The following SMARCB1 variants were observed in gnomAD, a reference collection of about 807,000 sequenced individuals.
The protein encoded by SMARCB1 is SWI/SNF related BAF chromatin remodeling complex subunit B1.
Under a neutral mutation model 49.0 loss-of-function variants are expected in SMARCB1, and 5 were observed. The observed-to-expected ratio is 0.10, with a 90% CI of 0.05 to 0.21. SMARCB1 has a LOEUF of 0.21. Among genes scored for constraint, SMARCB1 ranks in the 10% least tolerant of loss-of-function variants. The probability of loss-of-function intolerance (pLI) is 1.00; values close to 1 mark genes in which losing one functional copy is unlikely to be tolerated. For missense variants in SMARCB1, 226 were observed against 509.2 expected, an observed-to-expected ratio of 0.44 and a Z score of 5.35; for synonymous variants, 201 against 200.1, an observed-to-expected ratio of 1.00 and a Z score of -0.04.
At chr22:23,814,755 G>A (rs1251687153) in intron 5 of SMARCB1, among the ~76,000 whole-genome samples, 2 of 151,396 alleles carry the variant, frequency 1.3e-5, no homozygotes, top group Non-Finnish European at 2.9e-5. Context: ...CGGATCACCT[G>A]AGGTCAGGAG....
intron 1 of SMARCB1, among the ~76,000 whole-genome samples, chr22:23,788,733 T>G (rs1160375259): frequency 6.6e-6 from 1 of 152,184 alleles, no homozygotes; most frequent in Non-Finnish European, 1.5e-5. Context: ...TTTAAACTTG[T>G]GGGTTTTATC....
rs727504163 is a variant in SMARCB1, at chr22:23,803,400, C to T, written c.606C>T (p.Asp202=). The change falls in exon 5 of 9, where the codon GAC becomes GAT. Residue 202 remains aspartate (D), a synonymous_variant. Coordinates refer to ENST00000644036, the MANE Select transcript of SMARCB1 (RefSeq NM_003073.5). The part of the protein sequence containing the change: ...DMEIDGQKLR[D]AFTWNMNEKL... ...AGATCGATGGGCAGAAGCTGCGAGA[C>T]GCCTTCACCTGGAACATGAATGGTA... 16 of 1,614,036 alleles carry T rather than the reference C, an allele frequency of 9.9e-6. No homozygotes were observed. The highest frequency in any genetic ancestry group is 2.2e-5 in the South Asian group (2 of 91,088).
chr22:23,798,920 G>A (rs1378969367), intron 3 of SMARCB1, among the ~76,000 whole-genome samples: 4 of 152,052 alleles, frequency 2.6e-5, no homozygotes, highest in African/African-American at 9.7e-5. Context: ...CGTGGTGGTG[G>A]GCGCCTGTAG....
At position 23,787,112 on chromosome 22, in the gene SMARCB1, G is replaced by C. The variant is rs1158469190; in HGVS notation, c.-58G>C. ...CCTCGGCCCAGCACGCCCCGGCCCC[G>C]CCCCAGCCCTCCTGATCCCTCGCAG... is the stretch of plus-strand genomic sequence containing the variant. On this transcript the variant is annotated 5_prime_UTR_variant, in exon 1 of 9. Coordinates refer to ENST00000644036, the MANE Select transcript of SMARCB1 (RefSeq NM_003073.5). 9.0e-7 allele frequency: 1 copy of C among 1,111,180 alleles called. No homozygotes were observed. The highest frequency in any genetic ancestry group is 1.3e-5 in the South Asian group (1 of 79,406). 68.8% of individuals were successfully genotyped at this position (1,111,180 alleles called of 1,614,324 possible). A position where few individuals can be genotyped will look rare whatever the true frequency, so the allele number is the denominator to read the frequency against.
At chr22:23,819,161 A>T (rs1372409637) in intron 6 of SMARCB1, among the ~76,000 whole-genome samples, 1 of 152,070 alleles carries the variant, frequency 6.6e-6, no homozygotes. Flanking sequence ...CTCCTTTCTT[A>T]TTAAGGCTAA....
At chr22:23,831,163 G>C (rs114313570) in intron 7 of SMARCB1, among the ~76,000 whole-genome samples, 120 of 152,260 alleles carry the variant, frequency 7.9e-4, no homozygotes, top group African/African-American at 2.7e-3. Flanking sequence ...GTGACACCAA[G>C]TTTTGGCATC....
Position 23,809,942 on chromosome 22 carries a change from G to A in SMARCB1, c.628+6520G>A, listed in dbSNP as rs1279581014. ...TCCCTGCACTTTGGGAGGCCGAGGC[G>A]GGCGGATCACGAGGTCAGGAATTGG... On this transcript the variant is annotated intron_variant, in intron 5 of 8. Coordinates refer to ENST00000644036, the MANE Select transcript of SMARCB1 (RefSeq NM_003073.5). 6.2e-4 allele frequency among the ~76,000 whole-genome samples: 88 copies of A among 142,936 alleles called. No individual in the cohort carries two copies. In the Middle Eastern group the frequency reaches 0.014, roughly 22 times the overall value. The allele number at this position is 142,936 out of a possible 152,430, so 93.8% of individuals were successfully genotyped here.
chr22:23,789,651 C>T (rs376288911), intron 1 of SMARCB1, among the ~76,000 whole-genome samples: 2 of 152,214 alleles, frequency 1.3e-5, no homozygotes, highest in East Asian at 3.8e-4. Context: ...ACTCCTGGGC[C>T]TCCCAGTAAG....
At chr22:23,816,524 G>C (rs1476605990) in intron 5 of SMARCB1, 1 of 604,222 alleles carries the variant, frequency 1.7e-6, no homozygotes, top group African/African-American at 1.8e-5. Flanking sequence ...AATGAGGGAA[G>C]TGTTTATGGC....
intron 8 of SMARCB1, 145 bp downstream of exon 8, chr22:23,833,848 A>T: frequency 1.1e-6 from 1 of 920,376 alleles, no homozygotes; most frequent in Non-Finnish European, 1.7e-6. Context: ...CTTCTGGGTG[A>T]TAAGGCCCCA....
intron 5 of SMARCB1, among the ~76,000 whole-genome samples, chr22:23,804,730 GAT>G (rs1929386128): frequency 6.6e-6 from 1 of 152,186 alleles, no homozygotes; most frequent in Non-Finnish European, 1.5e-5. Flanking sequence ...TTTTAGTAGA[GAT>G]AGGGTTTCAC....
In SMARCB1 at chr22:23,828,092, G is replaced by A. The variant is rs1019210481; in HGVS notation, c.986+2677G>A. 7.9e-5 allele frequency among the ~76,000 whole-genome samples: 12 copies of A among 152,210 alleles called. 1 individual carries two copies. The highest frequency in any genetic ancestry group is 2.0e-4 in the Admixed American group (3 of 15,298). On this transcript the variant is annotated intron_variant, in intron 7 of 8. Transcript: ENST00000644036. ...TTTTGAGATGGGGTCTCGCTCTGTC[G>A]CCCAGGCTGGAGTGCAGTGGCGTGA... is the stretch of plus-strand genomic sequence containing the variant.
intron 3 of SMARCB1, among the ~76,000 whole-genome samples, chr22:23,797,025 A>G (rs1601396284): frequency 7.5e-6 from 1 of 133,396 alleles, no homozygotes; most frequent in Non-Finnish European, 1.5e-5. Flanking sequence ...TTTGAGACGG[A>G]GTCTCGCTGT....
At position 23,834,372 on chromosome 22, in the gene SMARCB1, A is replaced by AACC; in HGVS notation, c.*192_*193insACC. On this transcript the variant is annotated 3_prime_UTR_variant, in exon 9 of 9. Transcript: ENST00000644036. ...TTGTTGAGCCCCAGTCCTGCCCCCC[A>AACC]CCCCACCCTCCCTACCCCTCCCCAG... 2.6e-6 allele frequency: 1 copy of AACC among 388,638 alleles called. No individual in the cohort carries two copies. The highest frequency in any genetic ancestry group is 4.6e-6 in the Non-Finnish European group (1 of 218,294). The allele number at this position is 388,638 out of a possible 1,614,324, so 24.1% of individuals were successfully genotyped here.
intron 4 of SMARCB1, chr22:23,802,027 C>G (rs1929185594): frequency 6.4e-6 from 1 of 156,484 alleles, no homozygotes; most frequent in South Asian, 1.9e-4. Flanking sequence ...TCCAGGTTCT[C>G]CCCTGGGACT....
Position 23,809,966 on chromosome 22 carries a change from G to T in SMARCB1, c.628+6544G>T, listed in dbSNP as rs1170962477. Among the ~76,000 whole-genome samples, 68 of 139,218 alleles carry T rather than the reference G, an allele frequency of 4.9e-4. No homozygotes were observed. In the Middle Eastern group the frequency reaches 0.014, roughly 30 times the overall value. 91.3% of individuals were successfully genotyped at this position (139,218 alleles called of 152,430 possible). A position where few individuals can be genotyped will look rare whatever the true frequency, so the allele number is the denominator to read the frequency against. ...CGGGCGGATCACGAGGTCAGGAATT[G>T]GAGGCCAGCCTGACCAACATGGTGA... On this transcript the variant is annotated intron_variant, in intron 5 of 8. Transcript: ENST00000644036.
At position 23,836,529 on chromosome 22, in the gene SMARCB1, T is replaced by C; in HGVS notation, c.*2349T>C. On this transcript the variant is annotated 3_prime_UTR_variant, in exon 9 of 9. Coordinates refer to ENST00000644036, the MANE Select transcript of SMARCB1 (RefSeq NM_003073.5). ...GGCCAGGATGAGAACCCTGAGCCTG[T>C]CACCTGTGAGCTCAAAAGCTCTGCC... 1 of 1,041,564 alleles carries C rather than the reference T, an allele frequency of 9.6e-7. No individual in the cohort carries two copies. The highest frequency in any genetic ancestry group is 1.7e-5 in the African/African-American group (1 of 59,116). 64.5% of individuals were successfully genotyped at this position (1,041,564 alleles called of 1,614,324 possible).
Position 23,791,737 on chromosome 22 carries a change from C to T in SMARCB1, c.94-19C>T, listed in dbSNP as rs1304783796. The T allele has an allele frequency of 6.2e-7, 1 of 1,613,238 alleles. No homozygotes were observed. Among genetic ancestry groups the T allele is most frequent in the South Asian group, 1.1e-5 (1 of 91,040 alleles). On this transcript the variant is annotated intron_variant, in intron 1 of 8. Coordinates refer to ENST00000644036, the MANE Select transcript of SMARCB1 (RefSeq NM_003073.5). ...TGGTGCTGCGACCCTTATAATGAGC[C>T]TTCTTGCTTTACTCATAGGTGGGAA...
At position 23,825,144 on chromosome 22, in the gene SMARCB1, C is replaced by G. The variant is rs2030312401; in HGVS notation, c.796-81C>G. 5.7e-6 allele frequency: 7 copies of G among 1,237,322 alleles called. No homozygotes were observed. In the South Asian group the frequency reaches 6.0e-5, roughly 11 times the overall value. 76.6% of individuals were successfully genotyped at this position (1,237,322 alleles called of 1,614,324 possible). A position where few individuals can be genotyped will look rare whatever the true frequency, so the allele number is the denominator to read the frequency against. On this transcript the variant is annotated intron_variant, in intron 6 of 8. Transcript: ENST00000644036. ...TGGACCCTGGTGGGCAGGGCCCACC[C>G]CAGGCCTGGCAGGGCCCCGCTCCTC...
Sources: gnomAD v4.1 joint callset for allele counts (sites outside exome capture counted in the v4.1 genomes callset) on GRCh38, gnomAD v4.1.1 for gene constraint, MANE v1.5 for transcripts, NCBI Gene and HGNC (gene_info 2026-07-23, HGNC 2026-07-21) for gene names.